The following TUT4 variants were observed in gnomAD, a reference collection of about 807,000 sequenced individuals.
TUT4 encodes the protein terminal uridylyl transferase 4.
Under a neutral mutation model 192.2 loss-of-function variants are expected in TUT4, and 36 were observed. That is an observed-to-expected ratio of 0.19 (90% confidence interval 0.14 to 0.25). TUT4 has a LOEUF of 0.25. Ranked by LOEUF, TUT4 falls within the 10% of genes least tolerant of loss-of-function variation. The probability of loss-of-function intolerance (pLI) is 1.00; values close to 1 mark genes in which losing one functional copy is unlikely to be tolerated. For missense variants in TUT4, 1,493 were observed against 1,957.2 expected, an observed-to-expected ratio of 0.76 and a Z score of 4.47; for synonymous variants, 618 against 666.0, an observed-to-expected ratio of 0.93 and a Z score of 1.11.
intron 3 of TUT4, chr1:52,515,544 G>A (rs532819681): frequency 2.2e-5 from 8 of 367,130 alleles, no homozygotes; most frequent in South Asian, 8.3e-5. Context: ...AGCCATAAAC[G>A]ACATGTAAAC....
chr1:52,480,643 G>A (rs59984475), intron 11 of TUT4, among the ~76,000 whole-genome samples: 13,230 of 152,208 alleles, frequency 0.087, 733 homozygotes, highest in East Asian at 0.2. Flanking sequence ...TGAAAAATTG[G>A]CAATTTATGA....
chr1:52,491,751 A>T (rs376243582), intron 7 of TUT4, among the ~76,000 whole-genome samples: 3 of 152,076 alleles, frequency 2.0e-5, no homozygotes, highest in African/African-American at 7.2e-5. Flanking sequence ...CTTGTAATTC[A>T]AAGAAAATTT....
chr1:52,520,671 G>A (rs1296054170), intron 2 of TUT4, among the ~76,000 whole-genome samples: 1 of 152,134 alleles, frequency 6.6e-6, no homozygotes, highest in Non-Finnish European at 1.5e-5. Flanking sequence ...TTGCTCTAAT[G>A]TCACTTTCTC....
intron 20 of TUT4, among the ~76,000 whole-genome samples, chr1:52,450,075 A>G (rs1570411400): frequency 1.3e-5 from 2 of 152,320 alleles, no homozygotes; most frequent in South Asian, 2.1e-4. Flanking sequence ...GGTAGAGCAA[A>G]AATCTTCTGC....
chr1:52,512,179 T>C (rs1384160977), intron 3 of TUT4, among the ~76,000 whole-genome samples: 4 of 152,218 alleles, frequency 2.6e-5, no homozygotes, highest in Non-Finnish European at 5.9e-5. Flanking sequence ...ACATCTCAAC[T>C]GACCTTGGAT....
intron 20 of TUT4, among the ~76,000 whole-genome samples, chr1:52,454,848 A>C (rs1053192770): frequency 1.9e-4 from 29 of 152,250 alleles, no homozygotes; most frequent in Admixed American, 1.1e-3. Flanking sequence ...CAAAATACAC[A>C]AAGAACTCCT....
chr1:52,428,930 A>G (rs1650987009), intron 28 of TUT4, among the ~76,000 whole-genome samples: 1 of 152,142 alleles, frequency 6.6e-6, no homozygotes, highest in Admixed American at 6.6e-5. Context: ...AATGTCTGAG[A>G]TTTGATCAGT....
intron 2 of TUT4, among the ~76,000 whole-genome samples, chr1:52,520,231 C>A (rs1197766986): frequency 6.6e-6 from 1 of 152,160 alleles, no homozygotes; most frequent in Non-Finnish European, 1.5e-5. Context: ...GGGAGTGTCA[C>A]AGATCGTGTA....
chr1:52,507,895 C>G (rs1190314532), intron 4 of TUT4, among the ~76,000 whole-genome samples: 1 of 152,114 alleles, frequency 6.6e-6, no homozygotes, highest in Non-Finnish European at 1.5e-5. Context: ...ACTGCAGCCT[C>G]CACCTCATGA....
chr1:52,512,908 A>C (rs78724686), intron 3 of TUT4, among the ~76,000 whole-genome samples: 1 of 151,694 alleles, frequency 6.6e-6, no homozygotes, highest in Non-Finnish European at 1.5e-5. Context: ...TAAAAAAAAA[A>C]CAAAAACCTG....
chr1:52,456,762 T>C (rs913576486), intron 20 of TUT4, among the ~76,000 whole-genome samples: 13 of 152,210 alleles, frequency 8.5e-5, no homozygotes, highest in African/African-American at 3.1e-4. Context: ...ATGGCATATA[T>C]TGATGTATCA....
intron 14 of TUT4, among the ~76,000 whole-genome samples, chr1:52,469,683 G>A (rs1665160526): frequency 6.6e-6 from 1 of 152,080 alleles, no homozygotes; most frequent in Non-Finnish European, 1.5e-5. Context: ...AAGGTCAGGA[G>A]ATCAAGACCA....
intron 4 of TUT4, among the ~76,000 whole-genome samples, chr1:52,498,345 G>A (rs553874582): frequency 3.4e-5 from 5 of 148,232 alleles, no homozygotes; most frequent in South Asian, 2.1e-4. Context: ...CGGGGTTCAC[G>A]CCATTCTCCT....
In TUT4 at chr1:52,530,090, G is replaced by C. The variant is rs1273716222; in HGVS notation, c.-93-3717C>G. Among the ~76,000 whole-genome samples the C allele has an allele frequency of 2.6e-5, 4 of 151,982 alleles. No individual in the cohort carries two copies. In the East Asian group the frequency reaches 7.7e-4, roughly 29 times the overall value. ...AGCCCTGAGCTTAAGCAATCCTCCT[G>C]CCTCGGCTTCCCAAACTGCTAGGAC... On this transcript the variant is annotated intron_variant, in intron 1 of 29. Coordinates refer to ENST00000257177, the MANE Select transcript of TUT4 (RefSeq NM_001009881.3).
rs1418107414 is a variant in TUT4, at chr1:52,525,950, C to A, written c.331G>T (p.Ala111Ser). 6.2e-7 allele frequency: 1 copy of A among 1,614,076 alleles called. No individual in the cohort carries two copies. ...TCTGATTTTGCCTGTGAAATGGTTG[C>A]CTTTTCGGCTTTCACCGGTGAATTA... is the stretch of plus-strand genomic sequence containing the variant. ...FPNSPVKAEK[A>S]TISQAKSEKA... The change falls in exon 2 of 30, where the codon GCA (alanine) becomes TCA (serine). Residue 111 changes from alanine to serine, a missense_variant. Ala to Ser is a moderately conservative substitution (Grantham distance 99, BLOSUM62 1). Around this residue, in one of 7 missense-constraint regions of TUT4, gnomAD observed 260 missense variants for 247.8 expected, o/e 1.05. Transcript: ENST00000257177.
At chr1:52,532,844 A>G (rs757228526) in intron 1 of TUT4, among the ~76,000 whole-genome samples, 2 of 152,156 alleles carry the variant, frequency 1.3e-5, no homozygotes, top group Non-Finnish European at 2.9e-5. Context: ...TCCTGAGCAC[A>G]TGACTAGTCT....
At chr1:52,494,520 C>G (rs1399073452) in intron 6 of TUT4, among the ~76,000 whole-genome samples, 1 of 152,000 alleles carries the variant, frequency 6.6e-6, no homozygotes, top group African/African-American at 2.4e-5. Context: ...GGTGAAACCC[C>G]GTTTCTACTA....
chr1:52,526,033 G>A lies in TUT4; in HGVS notation c.248C>T (p.Pro83Leu). The change falls in exon 2 of 30, where the codon CCT (proline) becomes CTT (leucine). Residue 83 changes from proline to leucine, a missense_variant. Pro to Leu is a moderately conservative substitution (Grantham distance 98, BLOSUM62 -3). Around this residue, in one of 7 missense-constraint regions of TUT4, gnomAD observed 260 missense variants for 247.8 expected, o/e 1.05. Coordinates refer to ENST00000257177, the MANE Select transcript of TUT4 (RefSeq NM_001009881.3). ...CKVNAANLPG[P>L]KDLGLVLRDQ... ...TCGAAGGACTAACCCCAAATCTTTA[G>A]GACCTGGAAGGTTGGCAGCATTTAC... 6.2e-7 allele frequency: 1 copy of A among 1,612,616 alleles called. No individual in the cohort carries two copies. The highest frequency in any genetic ancestry group is 8.5e-7 in the Non-Finnish European group (1 of 1,179,550).
chr1:52,469,967 A>C (rs77371249), intron 14 of TUT4, among the ~76,000 whole-genome samples: 1,859 of 152,124 alleles, frequency 0.012, 33 homozygotes, highest in African/African-American at 0.043. Context: ...TAGTATATAC[A>C]CACATATTTT....
Sources: gnomAD v4.1 joint callset for allele counts (sites outside exome capture counted in the v4.1 genomes callset) on GRCh38, gnomAD v4.1.1 for gene constraint, gnomAD v4.1.1 regional missense constraint, MANE v1.5 for transcripts, NCBI Gene and HGNC (gene_info 2026-07-23, HGNC 2026-07-21) for gene names.